Variants in LRP1B observed in about 807,000 individuals in gnomAD.
The protein encoded by LRP1B is low-density lipoprotein receptor-related protein 1B.
In LRP1B, 217 loss-of-function variants were observed where a neutral mutation model predicts 556.6. The observed-to-expected ratio is 0.39, with a 90% CI of 0.35 to 0.44. The LOEUF is 0.44. Among genes scored for constraint, LRP1B ranks in the 20% least tolerant of loss-of-function variants. The pLI is 1.00. For missense variants in LRP1B, 5,053 were observed against 5,620.8 expected (o/e 0.90, Z 3.23); for synonymous variants, 2,047 against 1,865.8 (o/e 1.10, Z -2.50).
In LRP1B at chr2:140,317,865, A is replaced by C. The variant is rs1483229073; in HGVS notation, c.12641-2766T>G. On this transcript the variant is annotated intron_variant, in intron 82 of 90. Transcript: ENST00000389484. ...TTAGGCACCAGAAATTTTAAAGTACAACACTGCCTGATGAAATGGAAGTGG... is the reference window on the plus strand; with the variant it reads ...TTAGGCACCAGAAATTTTAAAGTACCACACTGCCTGATGAAATGGAAGTGG... Among the ~76,000 whole-genome samples the C allele has an allele frequency of 2.6e-5, 4 of 152,100 alleles. No individual in the cohort carries two copies. The East Asian group carries it at 7.7e-4, about 29-fold the overall frequency.
Position 140,299,457 on chromosome 2 carries a change from C to T in LRP1B, c.12806-1488G>A, listed in dbSNP as rs111232848. ...TTATTAGTTTGGTGGCAGATAAATG[C>T]CTATTAATGGCCTGAGAAACAAGGT... On this transcript the variant is annotated intron_variant, in intron 83 of 90. Coordinates refer to ENST00000389484, the MANE Select transcript of LRP1B (RefSeq NM_018557.3). Among the ~76,000 whole-genome samples, 19 of 152,082 alleles carry T rather than the reference C, an allele frequency of 1.2e-4. 1 individual carries two copies. Among genetic ancestry groups the T allele is most frequent in the African/African-American group, 3.9e-4 (16 of 41,532 alleles).
At chr2:142,033,833 T>C (rs1703786111) in intron 1 of LRP1B, among the ~76,000 whole-genome samples, 1 of 151,784 alleles carries the variant, frequency 6.6e-6, no homozygotes, top group Admixed American at 6.6e-5. Flanking sequence ...ATAATAATTC[T>C]CTTTATTGTG....
chr2:141,763,811 G>A (rs1236640300), intron 2 of LRP1B, among the ~76,000 whole-genome samples: 1 of 152,032 alleles, frequency 6.6e-6, no homozygotes, highest in African/African-American at 2.4e-5. Flanking sequence ...ATATATAATG[G>A]TAAAACCATA....
At chr2:141,457,757 C>T (rs7371258) in intron 3 of LRP1B, among the ~76,000 whole-genome samples, 2 of 151,874 alleles carry the variant, frequency 1.3e-5, no homozygotes, top group East Asian at 3.9e-4. Context: ...GAGGTGGTAA[C>T]TGCAGTGGAG....
intron 3 of LRP1B, among the ~76,000 whole-genome samples, chr2:141,338,239 C>T (rs2105509863): frequency 6.6e-6 from 1 of 152,224 alleles, no homozygotes; most frequent in South Asian, 2.1e-4. Flanking sequence ...TCTGTGGGAC[C>T]CCATTACCAC....
At chr2:141,289,251 G>T (rs1685846042) in intron 3 of LRP1B, among the ~76,000 whole-genome samples, 1 of 151,460 alleles carries the variant, frequency 6.6e-6, no homozygotes, top group Admixed American at 6.6e-5. Flanking sequence ...CCGGGGTGTC[G>T]GGTGCCTGCA....
intron 11 of LRP1B, among the ~76,000 whole-genome samples, chr2:141,043,826 T>C (rs140550623): frequency 0.012 from 1,770 of 152,106 alleles, 29 homozygotes; most frequent in Non-Finnish European, 0.016. Flanking sequence ...TTGGAAAGGA[T>C]ATTCAAGAAG....
chr2:141,628,739 C>T lies in LRP1B; in HGVS notation c.206-148206G>A, dbSNP rs1257681666. Among the ~76,000 whole-genome samples the T allele has an allele frequency of 2.0e-5, 3 of 152,026 alleles. No individual in the cohort carries two copies. In the South Asian group the frequency reaches 6.2e-4, roughly 31 times the overall value. Reference sequence around the variant, plus strand: ...TCTCAGCTCACCACAGTCTCTACCTCTGGGCTCAAGCAATCCTCCCACCAA... The same window carrying T: ...TCTCAGCTCACCACAGTCTCTACCTTTGGGCTCAAGCAATCCTCCCACCAA... On this transcript the variant is annotated intron_variant, in intron 2 of 90. Coordinates refer to ENST00000389484, the MANE Select transcript of LRP1B (RefSeq NM_018557.3).
intron 17 of LRP1B, among the ~76,000 whole-genome samples, chr2:140,984,614 T>C (rs994410829): frequency 3.3e-5 from 5 of 152,130 alleles, no homozygotes; most frequent in African/African-American, 1.2e-4. Flanking sequence ...AAAGAACTTC[T>C]ATGAACCTGT....
intron 2 of LRP1B, 145 bp downstream of exon 2, chr2:141,810,134 A>G (rs1696301127): frequency 4.4e-6 from 2 of 458,904 alleles, no homozygotes; most frequent in Admixed American, 4.1e-5. Flanking sequence ...AGAAAGAAAG[A>G]AAGAAAGAAA....
chr2:141,744,458 G>A (rs1164027995), intron 2 of LRP1B, among the ~76,000 whole-genome samples: 1 of 152,124 alleles, frequency 6.6e-6, no homozygotes, highest in East Asian at 1.9e-4. Context: ...TGTGTATTCT[G>A]CAGTCATTGG....
intron 2 of LRP1B, among the ~76,000 whole-genome samples, chr2:141,692,481 G>C (rs184022448): frequency 1.3e-5 from 2 of 152,068 alleles, no homozygotes; most frequent in East Asian, 3.9e-4. Context: ...TTCAGCATGA[G>C]TTTGTCATTG....
At chr2:140,940,109 T>A (rs1695352723) in intron 20 of LRP1B, among the ~76,000 whole-genome samples, 1 of 152,026 alleles carries the variant, frequency 6.6e-6, no homozygotes. Context: ...GGTCTCTAAC[T>A]CCTGACCTCA....
chr2:142,073,693 T>C (rs564506361), intron 1 of LRP1B, among the ~76,000 whole-genome samples: 5 of 152,150 alleles, frequency 3.3e-5, no homozygotes, highest in South Asian at 4.1e-4. Flanking sequence ...TCATGTTCAA[T>C]TGTAATCCCC....
At chr2:141,969,970 T>C (rs1287106435) in intron 1 of LRP1B, among the ~76,000 whole-genome samples, 1 of 151,598 alleles carries the variant, frequency 6.6e-6, no homozygotes, top group Non-Finnish European at 1.5e-5. Flanking sequence ...ATAATAGCCA[T>C]TGTTACATGT....
intron 2 of LRP1B, among the ~76,000 whole-genome samples, chr2:141,547,096 C>T (rs540868182): frequency 6.6e-6 from 1 of 152,240 alleles, no homozygotes; most frequent in East Asian, 1.9e-4. Context: ...TCATGGTTGT[C>T]CAACAAACAG....
chr2:141,702,421 C>T (rs990869239), intron 2 of LRP1B, among the ~76,000 whole-genome samples: 2 of 151,848 alleles, frequency 1.3e-5, no homozygotes, highest in African/African-American at 4.8e-5. Flanking sequence ...AGGGCACATG[C>T]TTTTAAAAAT....
chr2:140,734,006 C>T (rs957915350), intron 35 of LRP1B, among the ~76,000 whole-genome samples: 3 of 152,078 alleles, frequency 2.0e-5, no homozygotes, highest in Non-Finnish European at 4.4e-5. Context: ...TTAACCTCAA[C>T]GAAATTACAA....
intron 1 of LRP1B, among the ~76,000 whole-genome samples, chr2:142,028,694 C>T (rs376601855): frequency 6.6e-6 from 1 of 151,888 alleles, no homozygotes; most frequent in Non-Finnish European, 1.5e-5. Context: ...GCCTAGAAGT[C>T]GGGTTCAGTG....
Sources: allele counts gnomAD v4.1 joint callset (sites outside exome capture counted in the v4.1 genomes callset), GRCh38; gene constraint gnomAD v4.1.1; transcripts MANE v1.5; gene names NCBI Gene and HGNC (gene_info 2026-07-23, HGNC 2026-07-21).